PC: variants seen among roughly 807,000 people sequenced by gnomAD.
PC encodes pyruvate carboxylase, mitochondrial.
A neutral mutation model predicts 107.8 loss-of-function variants in PC; 46 were observed. That is an observed-to-expected ratio of 0.43 (90% CI 0.34 to 0.55). PC has a LOEUF of 0.55. Among genes scored for constraint, PC ranks in the 20% least tolerant of loss-of-function variants. The pLI, the probability that PC is intolerant of heterozygous loss-of-function variation, is 0.04. For synonymous variants in PC, 662 were observed against 684.7 expected (o/e 0.97, Z 0.52); for missense variants, 1,241 against 1,643.1 (o/e 0.76, Z 4.23).
intron 12 of PC, among the ~76,000 whole-genome samples, chr11:66,853,794 C>A (rs1488714887): frequency 6.6e-6 from 1 of 152,208 alleles, no homozygotes; most frequent in African/African-American, 2.4e-5. Flanking sequence ...CTGAGTCCAG[C>A]GGGCATGCTC....
chr11:66,918,499 A>G (rs1327346245), intron 3 of PC, among the ~76,000 whole-genome samples: 1 of 151,402 alleles, frequency 6.6e-6, no homozygotes, highest in Non-Finnish European at 1.5e-5. Context: ...AGAGATCCTG[A>G]GCAGCTGGGA....
At chr11:66,939,361 T>G (rs1466195411) in intron 3 of PC, among the ~76,000 whole-genome samples, 1 of 141,892 alleles carries the variant, frequency 7.0e-6, no homozygotes, top group African/African-American at 2.6e-5. Flanking sequence ...CTTGAGCATC[T>G]TGGAGGATTC....
At chr11:66,896,963 C>T (rs1407342378) in intron 3 of PC, among the ~76,000 whole-genome samples, 4 of 152,162 alleles carry the variant, frequency 2.6e-5, no homozygotes, top group Non-Finnish European at 4.4e-5. Context: ...TGGAGTCTCA[C>T]TCTTGTCGCC....
At position 66,849,738 on chromosome 11, in the gene PC, A is replaced by C; in HGVS notation, c.3020T>G (p.Val1007Gly). 1.2e-6 allele frequency: 2 copies of C among 1,614,214 alleles called. No homozygotes were observed. ...RHGEEVTPED[V>G]LSAAMYPDVF... ...ATCGGGGTACATAGCTGCTGAGAGC[A>C]CATCTTCCGGCGTCACCTCCTCCCC... The change falls in exon 21 of 23, where the codon GTG (valine) becomes GGG (glycine). Residue 1007 changes from valine (V) to glycine (G), a missense_variant. Physicochemically the swap from Val to Gly is moderately radical, Grantham distance 109 (BLOSUM62 -3). Transcript: ENST00000393960.
intron 12 of PC, chr11:66,859,528 C>T (rs1946109073): frequency 2.7e-5 from 41 of 1,544,656 alleles, no homozygotes; most frequent in Middle Eastern, 1.9e-4. Context: ...CCCAAGAGCC[C>T]GAGTGGCCCC....
intron 12 of PC, among the ~76,000 whole-genome samples, chr11:66,855,282 G>A (rs972389679): frequency 5.9e-5 from 9 of 152,238 alleles, no homozygotes; most frequent in Non-Finnish European, 1.0e-4. Context: ...AGCACTGGGT[G>A]GCCATGGTGG....
chr11:66,887,764 A>G (rs1947425863), intron 3 of PC, among the ~76,000 whole-genome samples: 1 of 152,222 alleles, frequency 6.6e-6, no homozygotes, highest in Admixed American at 6.5e-5. Context: ...GAGTGATGCC[A>G]AAAGTCCCAC....
chr11:66,927,756 C>G (rs925327524), intron 3 of PC, among the ~76,000 whole-genome samples: 1 of 151,226 alleles, frequency 6.6e-6, no homozygotes. Context: ...ATCTGGGATG[C>G]CAACTTTGGG....
At chr11:66,931,737 G>C (rs1948859600) in intron 3 of PC, among the ~76,000 whole-genome samples, 1 of 152,174 alleles carries the variant, frequency 6.6e-6, no homozygotes, top group South Asian at 2.1e-4. Context: ...TGTTTCTGTA[G>C]CCGGGCGCAG....
chr11:66,849,583 AGT>A, intron 21 of PC, 26 bp downstream of exon 21: 1 of 1,613,820 alleles, frequency 6.2e-7, no homozygotes, highest in South Asian at 1.1e-5. Context: ...GCCAGGGTGG[AGT>A]GTGGAGAAGC....
At chr11:66,865,303 A>G (rs1197936605) in intron 11 of PC, among the ~76,000 whole-genome samples, 2 of 152,186 alleles carry the variant, frequency 1.3e-5, no homozygotes, top group Non-Finnish European at 2.9e-5. Flanking sequence ...GCCCCACACA[A>G]GCCCGGGGGC....
At chr11:66,908,759 G>A (rs1948244856) in intron 3 of PC, among the ~76,000 whole-genome samples, 1 of 152,150 alleles carries the variant, frequency 6.6e-6, no homozygotes, top group Non-Finnish European at 1.5e-5. Flanking sequence ...GCCTGCTACG[G>A]GAACGTAAGT....
chr11:66,872,244 A>C, intron 3 of PC, 85 bp from the exon 4 acceptor site: 1 of 1,453,732 alleles, frequency 6.9e-7, no homozygotes, highest in Non-Finnish European at 9.4e-7. Flanking sequence ...CCAACCCCAC[A>C]GTGGCCCCAC....
intron 12 of PC, among the ~76,000 whole-genome samples, chr11:66,855,851 C>A (rs115722559): frequency 0.028 from 4,283 of 152,332 alleles, 203 homozygotes; most frequent in African/African-American, 0.098. Context: ...AACTTGTTTT[C>A]AGTGGTCAGG....
At chr11:66,917,162 C>T (rs906974554) in intron 3 of PC, among the ~76,000 whole-genome samples, 3 of 151,932 alleles carry the variant, frequency 2.0e-5, no homozygotes, top group African/African-American at 7.2e-5. Context: ...ACCTCAGCCT[C>T]ACAGGCTCAA....
At chr11:66,929,673 T>C (rs540409595) in intron 3 of PC, among the ~76,000 whole-genome samples, 1 of 151,994 alleles carries the variant, frequency 6.6e-6, no homozygotes, top group East Asian at 1.9e-4. Flanking sequence ...GGCCTTCTTT[T>C]TATTTTTTAC....
chr11:66,942,187 A>G (rs1302907371), intron 3 of PC, among the ~76,000 whole-genome samples: 1 of 151,580 alleles, frequency 6.6e-6, no homozygotes, highest in Non-Finnish European at 1.5e-5. Flanking sequence ...TCACGAAGTC[A>G]GGAGATCGAG....
In PC at chr11:66,857,998, C is replaced by T. The variant is rs1367336858; in HGVS notation, c.1369-4615G>A. 1 of 1,612,542 alleles carries T rather than the reference C, an allele frequency of 6.2e-7. No homozygotes were observed. The stretch of plus-strand genomic sequence containing the variant: ...CTGACACTGTCTCGCAATGCCATCA[C>T]CCGCATTGGGGCCCGCGCCTTTGGG... On this transcript the variant is annotated intron_variant, in intron 12 of 22. Coordinates refer to ENST00000393960, the MANE Select transcript of PC (RefSeq NM_001040716.2). The surrounding 1 kb of genome is among the most constrained non-coding windows in gnomAD (Gnocchi z 7.1).
At chr11:66,903,789 T>C (rs1296793586) in intron 3 of PC, among the ~76,000 whole-genome samples, 1 of 124,116 alleles carries the variant, frequency 8.1e-6, no homozygotes, top group Non-Finnish European at 1.8e-5. Flanking sequence ...TATATATATA[T>C]ATACACACAC....
Sources: allele counts gnomAD v4.1 joint callset (sites outside exome capture counted in the v4.1 genomes callset), GRCh38; gene constraint gnomAD v4.1.1; non-coding constraint Gnocchi (gnomAD v3.1); transcripts MANE v1.5; gene names NCBI Gene and HGNC (gene_info 2026-07-23, HGNC 2026-07-21).